Variants in LPXN observed in about 807,000 individuals in gnomAD.
LPXN encodes the protein leupaxin.
A neutral mutation model predicts 45.6 loss-of-function variants in LPXN; 28 were observed. The ratio of observed to expected loss-of-function variants is 0.61; its 90% CI spans 0.45 to 0.84. The LOEUF is 0.84. Among genes scored for constraint, LPXN ranks in the 40% least tolerant of loss-of-function variants. The pLI is 0.00. For missense variants in LPXN, 459 were observed against 475.0 expected, an observed-to-expected ratio of 0.97 and a Z score of 0.31; for synonymous variants, 166 against 169.9, an observed-to-expected ratio of 0.98 and a Z score of 0.18.
chr11:58,535,319 C>A (rs559416661), intron 7 of LPXN, among the ~76,000 whole-genome samples: 1 of 152,118 alleles, frequency 6.6e-6, no homozygotes, highest in African/African-American at 2.4e-5. Context: ...AAAGCTTATC[C>A]GCCACGATCA....
intron 7 of LPXN, among the ~76,000 whole-genome samples, chr11:58,533,311 A>G (rs1853452232): frequency 6.6e-6 from 1 of 152,242 alleles, no homozygotes; most frequent in South Asian, 2.1e-4. Flanking sequence ...AGCCCATCAG[A>G]CTAACAGCGG....
At chr11:58,560,497 A>G (rs1191941120) in intron 3 of LPXN, among the ~76,000 whole-genome samples, 1 of 152,174 alleles carries the variant, frequency 6.6e-6, no homozygotes, top group Non-Finnish European at 1.5e-5. Flanking sequence ...ACACTTAACT[A>G]TGATTGTGTG....
intron 7 of LPXN, among the ~76,000 whole-genome samples, chr11:58,539,606 C>T (rs2120245744): frequency 1.3e-5 from 2 of 152,218 alleles, no homozygotes; most frequent in South Asian, 4.1e-4. Flanking sequence ...TTAAAAAATA[C>T]TAATTCAATA....
At position 58,549,728 on chromosome 11, in the gene LPXN, G is replaced by T. The variant is rs189355324; in HGVS notation, c.742+58C>A. 146 of 1,457,528 alleles carry T rather than the reference G, an allele frequency of 1.0e-4. 1 individual carries two copies. The East Asian group carries it at 2.4e-3, about 24-fold the overall frequency. 90.3% of individuals were successfully genotyped at this position (1,457,528 alleles called of 1,614,324 possible). ...TCCCGTGACTACCAGGAAAGGTGTT[G>T]CTGGTCTTATAACTACCCACTGGGG... On this transcript the variant is annotated intron_variant, in intron 7 of 8. Transcript: ENST00000395074.
At position 58,528,204 on chromosome 11, in the gene LPXN, A is replaced by G; in HGVS notation, c.743-13T>C. 4 of 1,611,680 alleles carry G rather than the reference A, an allele frequency of 2.5e-6. No individual in the cohort carries two copies. Among genetic ancestry groups the G allele is most frequent in the Non-Finnish European group, 3.4e-6 (4 of 1,178,138 alleles). On this transcript the variant is annotated splice_polypyrimidine_tract_variant and intron_variant, in intron 7 of 8. Coordinates refer to ENST00000395074, the MANE Select transcript of LPXN (RefSeq NM_004811.3). ...TTCTCATGAAAGCCTGGAGAGATAA[A>G]ATCAGGAATTCACTGTTGCAGGTTG...
rs575452227 is a variant in LPXN, at chr11:58,542,795, A to G, written c.742+6991T>C. On this transcript the variant is annotated intron_variant, in intron 7 of 8. Coordinates refer to ENST00000395074, the MANE Select transcript of LPXN (RefSeq NM_004811.3). The stretch of plus-strand genomic sequence containing the variant: ...TATAAAAAAAGAATTTTAGGCACAC[A>G]ATAACTTATGTGTGCACACATACAT... Among the ~76,000 whole-genome samples the G allele has an allele frequency of 2.0e-5, 3 of 152,332 alleles. No homozygotes were observed. In the East Asian group the frequency reaches 5.8e-4, roughly 29 times the overall value.
rs1245579593 is a variant in LPXN, at chr11:58,528,127, C to T, written c.807G>A (p.Lys269=). The change falls in exon 8 of 9, where the codon AAG becomes AAA. Residue 269 remains lysine, a synonymous_variant. Coordinates refer to ENST00000395074, the MANE Select transcript of LPXN (RefSeq NM_004811.3). ...ACACTGGGCGATTGCAGCCACCACA[C>T]TTGGGTGAGAACATGGCTAAGAAAT... ...RKDFLAMFSP[K]CGGCNRPVLE... The T allele has an allele frequency of 1.2e-6, 2 of 1,614,220 alleles. No individual in the cohort carries two copies. Among genetic ancestry groups the T allele is most frequent in the Non-Finnish European group, 1.7e-6 (2 of 1,180,036 alleles).
chr11:58,573,661 G>C (rs1854784861), intron 1 of LPXN, among the ~76,000 whole-genome samples: 1 of 152,108 alleles, frequency 6.6e-6, no homozygotes, highest in Non-Finnish European at 1.5e-5. Context: ...TATGCCTTTT[G>C]CCAGATTTTG....
upstream of LPXN, among the ~76,000 whole-genome samples, chr11:58,577,768 G>A (rs1354913093): frequency 6.6e-6 from 1 of 151,694 alleles, no homozygotes; most frequent in Non-Finnish European, 1.5e-5. Context: ...TAGGTCACCA[G>A]TCATGTCACG....
At chr11:58,554,675 C>A in intron 4 of LPXN, 166 bp downstream of exon 4, 1 of 523,906 alleles carries the variant, frequency 1.9e-6, no homozygotes, top group East Asian at 3.1e-5. Context: ...TGGGTTAATT[C>A]ATGGAATTAA....
At chr11:58,547,937 A>G (rs2120303854) in intron 7 of LPXN, among the ~76,000 whole-genome samples, 1 of 152,272 alleles carries the variant, frequency 6.6e-6, no homozygotes, top group African/African-American at 2.4e-5. Flanking sequence ...TTTGTTCAAA[A>G]CAAACATAAA....
intron 1 of LPXN, among the ~76,000 whole-genome samples, chr11:58,572,396 C>T (rs565453766): frequency 1.3e-5 from 2 of 151,780 alleles, no homozygotes; most frequent in Admixed American, 6.6e-5. Context: ...ACTAAACTCT[C>T]GGGCAAATGA....
intron 2 of LPXN, among the ~76,000 whole-genome samples, chr11:58,569,749 T>C (rs1854628337): frequency 6.6e-6 from 1 of 152,188 alleles, no homozygotes; most frequent in East Asian, 1.9e-4. Flanking sequence ...GTTGGTTCCC[T>C]AGAGCTTCAT....
At chr11:58,568,429 C>A (rs1256613571) in intron 2 of LPXN, among the ~76,000 whole-genome samples, 1 of 152,066 alleles carries the variant, frequency 6.6e-6, no homozygotes, top group East Asian at 1.9e-4. Context: ...ATGGTGAAAT[C>A]CTGTCTCTAC....
At chr11:58,533,191 G>A (rs936119668) in intron 7 of LPXN, among the ~76,000 whole-genome samples, 1 of 152,184 alleles carries the variant, frequency 6.6e-6, no homozygotes, top group Non-Finnish European at 1.5e-5. Flanking sequence ...AGGGTCCGCG[G>A]CTTCATTCTT....
chr11:58,534,556 C>T (rs1565185053), intron 7 of LPXN, among the ~76,000 whole-genome samples: 1 of 151,948 alleles, frequency 6.6e-6, no homozygotes, highest in East Asian at 1.9e-4. Context: ...CACTAAATGC[C>T]CACAAGAGAA....
At chr11:58,528,000 C>A in intron 8 of LPXN, 43 bp downstream of exon 8, 3 of 1,592,778 alleles carry the variant, frequency 1.9e-6, no homozygotes, top group Non-Finnish European at 2.6e-6. Context: ...AGAGGAGAAC[C>A]CTTGACTTTC....
chr11:58,534,218 T>C (rs1853481005), intron 7 of LPXN, among the ~76,000 whole-genome samples: 1 of 152,206 alleles, frequency 6.6e-6, no homozygotes, highest in Non-Finnish European at 1.5e-5. Context: ...CAACAGAATA[T>C]ACATTCTTGT....
intron 2 of LPXN, among the ~76,000 whole-genome samples, chr11:58,565,548 T>C (rs1023985569): frequency 6.9e-6 from 1 of 145,878 alleles, no homozygotes; most frequent in Non-Finnish European, 1.5e-5. Flanking sequence ...AAAAAAAAAA[T>C]GTGTTTATTG....
Sources: gnomAD v4.1 joint callset for allele counts (sites outside exome capture counted in the v4.1 genomes callset) on GRCh38, gnomAD v4.1.1 for gene constraint, MANE v1.5 for transcripts, NCBI Gene and HGNC (gene_info 2026-07-23, HGNC 2026-07-21) for gene names.